The following BMPR2 variants were observed in gnomAD, a reference collection of about 807,000 sequenced individuals.
BMPR2 encodes bone morphogenetic protein receptor type-2.
Under a neutral mutation model 100.8 loss-of-function variants are expected in BMPR2, and 29 were observed. The observed-to-expected ratio is 0.29, with a 90% CI of 0.21 to 0.39. The LOEUF (loss-of-function observed/expected upper bound fraction) is 0.39, where lower values mean the gene tolerates loss of function less well. BMPR2 is among the 10% of genes least tolerant of loss of function. The probability of loss-of-function intolerance (pLI) is 1.00; values close to 1 mark genes in which losing one functional copy is unlikely to be tolerated. For synonymous variants in BMPR2, 382 were observed against 442.3 expected, an observed-to-expected ratio of 0.86 and a Z score of 1.71; for missense variants, 1,011 against 1,274.5, an observed-to-expected ratio of 0.79 and a Z score of 3.15.
chr2:202,404,529 T>C (rs1172982657), intron 1 of BMPR2, among the ~76,000 whole-genome samples: 1 of 152,188 alleles, frequency 6.6e-6, no homozygotes, highest in Admixed American at 6.5e-5. Flanking sequence ...TATGGATTTG[T>C]AGATGAGTGT....
At chr2:202,388,396 C>CAAAAAAA (rs71406975) in intron 1 of BMPR2, among the ~76,000 whole-genome samples, 3 of 36,970 alleles carry the variant, frequency 8.1e-5, no homozygotes, top group African/African-American at 1.2e-4. Context: ...GACTCCATCT[C>CAAAAAAA]AAAAAAAAAA....
intron 1 of BMPR2, among the ~76,000 whole-genome samples, chr2:202,452,034 G>A (rs576001080): frequency 2.0e-5 from 3 of 152,172 alleles, no homozygotes; most frequent in African/African-American, 7.2e-5. Flanking sequence ...GATTACAGTC[G>A]TGAGCCACTG....
chr2:202,427,507 CAA>C (rs1336378060), intron 1 of BMPR2, among the ~76,000 whole-genome samples: 1 of 145,982 alleles, frequency 6.9e-6, no homozygotes. Context: ...AAAAAAAAAA[CAA>C]GAAGCAAGCC....
chr2:202,470,725 C>A (rs1692420083), intron 3 of BMPR2, among the ~76,000 whole-genome samples: 1 of 147,100 alleles, frequency 6.8e-6, no homozygotes, highest in Admixed American at 6.9e-5. Context: ...GATTGCGCCA[C>A]TGCAGTCCGC....
chr2:202,448,997 T>C (rs1352839514), intron 1 of BMPR2, among the ~76,000 whole-genome samples: 1 of 151,518 alleles, frequency 6.6e-6, no homozygotes, highest in Non-Finnish European at 1.5e-5. Context: ...CTTGTCTTTC[T>C]CTTTAGGTGT....
intron 3 of BMPR2, among the ~76,000 whole-genome samples, chr2:202,508,800 T>A (rs1283837528): frequency 6.6e-6 from 1 of 152,234 alleles, no homozygotes; most frequent in Non-Finnish European, 1.5e-5. Context: ...ATTGGCACTT[T>A]CTGGCATGAT....
chr2:202,553,350 A>G (rs1688514070), intron 11 of BMPR2, among the ~76,000 whole-genome samples: 1 of 151,958 alleles, frequency 6.6e-6, no homozygotes, highest in South Asian at 2.1e-4. Context: ...GCTCTTTCTT[A>G]TAGAATATAC....
At chr2:202,466,053 A>G (rs1180415334) in intron 2 of BMPR2, among the ~76,000 whole-genome samples, 4 of 152,156 alleles carry the variant, frequency 2.6e-5, no homozygotes, top group Non-Finnish European at 5.9e-5. Context: ...TCATGTTTTC[A>G]CTGTAATGCA....
chr2:202,392,535 T>A (rs1052094043), intron 1 of BMPR2, among the ~76,000 whole-genome samples: 26 of 152,190 alleles, frequency 1.7e-4, no homozygotes, highest in African/African-American at 6.3e-4. Flanking sequence ...CATGTCACAG[T>A]ATATTTTATG....
intron 1 of BMPR2, among the ~76,000 whole-genome samples, chr2:202,424,171 TGA>T (rs1226929868): frequency 2.6e-5 from 4 of 151,514 alleles, no homozygotes; most frequent in African/African-American, 4.9e-5. Flanking sequence ...GTCAGGAATT[TGA>T]GACCAGCCTG....
chr2:202,555,315 A>T lies in BMPR2; in HGVS notation c.1650A>T (p.Ser550=). 2 of 1,614,146 alleles carry T rather than the reference A, an allele frequency of 1.2e-6. No homozygotes were observed. The highest frequency in any genetic ancestry group is 2.2e-5 in the East Asian group (1 of 44,888). Residue 550 remains serine, a synonymous_variant, in exon 12 of 13, where the codon TCA becomes TCT. Transcript: ENST00000374580. ...CTTATCCAGATTATTCTTCCTCCTCATACATTGAAGACTCTATCCATCATA... is the reference window on the plus strand; with the variant it reads ...CTTATCCAGATTATTCTTCCTCCTCTTACATTGAAGACTCTATCCATCATA... The part of the protein sequence containing the change: ...IGPYPDYSSS[S]YIEDSIHHTD...
At chr2:202,499,515 C>T (rs1687323659) in intron 3 of BMPR2, among the ~76,000 whole-genome samples, 1 of 151,946 alleles carries the variant, frequency 6.6e-6, no homozygotes, top group Non-Finnish European at 1.5e-5. Flanking sequence ...AGGAGAATTA[C>T]AAAAAAGCCC....
chr2:202,500,202 T>A (rs558686167), intron 3 of BMPR2, among the ~76,000 whole-genome samples: 9 of 152,324 alleles, frequency 5.9e-5, no homozygotes, highest in African/African-American at 2.2e-4. Flanking sequence ...GGCGCAGCCT[T>A]CTCAGTGTTA....
intron 1 of BMPR2, among the ~76,000 whole-genome samples, chr2:202,413,973 T>C (rs12472408): frequency 0.099 from 15,018 of 152,216 alleles, 993 homozygotes; most frequent in South Asian, 0.25. Context: ...CTTATATTAT[T>C]AATATATGTT....
intron 1 of BMPR2, among the ~76,000 whole-genome samples, chr2:202,394,622 A>G (rs2105905851): frequency 1.3e-5 from 2 of 152,262 alleles, no homozygotes; most frequent in Middle Eastern, 6.8e-3. Context: ...GACTAACAGA[A>G]TAAGTACTTT....
In BMPR2 at chr2:202,518,925, A is replaced by G. The variant is rs769245270; in HGVS notation, c.725A>G (p.Asn242Ser). The G allele has an allele frequency of 1.9e-6, 3 of 1,614,132 alleles. No individual in the cohort carries two copies. Among genetic ancestry groups the G allele is most frequent in the Non-Finnish European group, 1.7e-6 (2 of 1,180,062 alleles). Reference sequence around the variant, plus strand: ...TTTGCAAACCGTCAGAATTTTATCAACGAAAAGAACATTTACAGAGTGCCT... The same window carrying G: ...TTTGCAAACCGTCAGAATTTTATCAGCGAAAAGAACATTTACAGAGTGCCT... ...FSFANRQNFINEKNIYRVPLM... is the reference protein window; with the variant it reads ...FSFANRQNFISEKNIYRVPLM... Residue 242 changes from asparagine to serine, a missense_variant, in exon 6 of 13, where the codon AAC becomes AGC. By Grantham distance (46) the Asn-to-Ser change is conservative. This residue lies in a region of BMPR2 where 355 missense variants were observed against 455.3 expected (regional missense o/e 0.78). Coordinates refer to ENST00000374580, the MANE Select transcript of BMPR2 (RefSeq NM_001204.7).
chr2:202,384,556 C>CT (rs1553493250), intron 1 of BMPR2, among the ~76,000 whole-genome samples: 2 of 50,214 alleles, frequency 4.0e-5, no homozygotes, highest in African/African-American at 1.7e-4. Flanking sequence ...TTCTTTCTTT[C>CT]TTTCTTTCTT....
chr2:202,459,041 G>A (rs1454380839), intron 1 of BMPR2, among the ~76,000 whole-genome samples: 1 of 152,152 alleles, frequency 6.6e-6, no homozygotes, highest in Non-Finnish European at 1.5e-5. Flanking sequence ...TCTCTCTGCT[G>A]AAAATCCTTT....
Position 202,523,880 on chromosome 2 carries a change from C to A in BMPR2, c.967+3679C>A, listed in dbSNP as rs1047081464. Among the ~76,000 whole-genome samples, 9 of 152,170 alleles carry A rather than the reference C, an allele frequency of 5.9e-5. No homozygotes were observed. In the South Asian group the frequency reaches 6.2e-4, roughly 10 times the overall value. ...ACACAGCCATAAAAATGAATGAAATCATATCCTTTGCAGCAACATGGATGG... is the reference window on the plus strand; with the variant it reads ...ACACAGCCATAAAAATGAATGAAATAATATCCTTTGCAGCAACATGGATGG... On this transcript the variant is annotated intron_variant, in intron 7 of 12. Transcript: ENST00000374580.
Sources: gnomAD v4.1 joint callset for allele counts (sites outside exome capture counted in the v4.1 genomes callset) on GRCh38, gnomAD v4.1.1 for gene constraint, gnomAD v4.1.1 regional missense constraint, MANE v1.5 for transcripts, NCBI Gene and HGNC (gene_info 2026-07-23, HGNC 2026-07-21) for gene names.